The following IL22RA2 variants were observed in gnomAD, a reference collection of about 807,000 sequenced individuals.
IL22RA2 encodes the protein interleukin-22 receptor subunit alpha-2.
Under a neutral mutation model 30.7 loss-of-function variants are expected in IL22RA2, and 39 were observed. The observed-to-expected ratio is 1.27, with a 90% CI of 0.98 to 1.66. The LOEUF (loss-of-function observed/expected upper bound fraction) is 1.66, where lower values mean the gene tolerates loss of function less well. Ranked by LOEUF, IL22RA2 falls within the 40% of genes most tolerant of loss-of-function variation. The probability of loss-of-function intolerance (pLI) is 0.00; values close to 1 mark genes in which losing one functional copy is unlikely to be tolerated. For synonymous variants in IL22RA2, 103 were observed against 105.0 expected (o/e 0.98, Z 0.11); for missense variants, 315 against 312.7 (o/e 1.01, Z -0.05).
At position 137,155,010 on chromosome 6, in the gene IL22RA2, C is replaced by T; in HGVS notation, c.403G>A (p.Val135Met). ...TAGCTCCCAGCCGAGGCCGCCCTCA[C>T]CCTCCCGTAATAAGGTTCCTGTATG... Reference protein sequence around the residue: ...SDIQEPYYGRVRAASAGSYSE... With the variant: ...SDIQEPYYGRMRAASAGSYSE... Residue 135 changes from valine to methionine, a missense_variant, in exon 5 of 7, where the codon GTG becomes ATG. Physicochemically the swap from Val to Met is conservative, Grantham distance 21. Coordinates refer to ENST00000296980, the MANE Select transcript of IL22RA2 (RefSeq NM_052962.3). 1 of 1,614,086 alleles carries T rather than the reference C, an allele frequency of 6.2e-7. No individual in the cohort carries two copies. Among genetic ancestry groups the T allele is most frequent in the Non-Finnish European group, 8.5e-7 (1 of 1,179,942 alleles).
In IL22RA2 at chr6:137,147,857, T is replaced by C. The variant is rs751025000; in HGVS notation, c.507A>G (p.Gln169=). The part of the protein sequence containing the change: ...KIDPPVMNIT[Q]VNGSLLVILH... ...GAATTACCAACAAAGAGCCATTGAC[T>C]TGGGTTATATTCATGACTGGAGGAT... The change falls in exon 6 of 7, where the codon CAA becomes CAG. Residue 169 remains glutamine (Q), a synonymous_variant. Coordinates refer to ENST00000296980, the MANE Select transcript of IL22RA2 (RefSeq NM_052962.3). The C allele has an allele frequency of 1.6e-5, 26 of 1,611,454 alleles. No individual in the cohort carries two copies. The highest frequency in any genetic ancestry group is 2.2e-5 in the Non-Finnish European group (26 of 1,179,258).
chr6:137,169,002 T>C (rs564108374), intron 1 of IL22RA2, among the ~76,000 whole-genome samples: 45 of 152,362 alleles, frequency 3.0e-4, no homozygotes, highest in African/African-American at 1.0e-3. Flanking sequence ...TACTTCCTGT[T>C]ATGTATGTGG....
chr6:137,150,852 T>C (rs942811614), intron 5 of IL22RA2, among the ~76,000 whole-genome samples: 2 of 152,232 alleles, frequency 1.3e-5, no homozygotes, highest in Admixed American at 1.3e-4. Flanking sequence ...ATGAATTAGT[T>C]TGCTCAACTC....
intron 5 of IL22RA2, among the ~76,000 whole-genome samples, chr6:137,148,182 C>T (rs895238257): frequency 1.3e-5 from 2 of 152,150 alleles, no homozygotes; most frequent in African/African-American, 4.8e-5. Context: ...ATACAAATTA[C>T]TTTCCTCTGT....
intron 5 of IL22RA2, among the ~76,000 whole-genome samples, chr6:137,148,625 A>T (rs934917613): frequency 2.0e-5 from 3 of 151,946 alleles, no homozygotes; most frequent in Non-Finnish European, 4.4e-5. Context: ...GATTCCCTTT[A>T]TTTTTATTTT....
At chr6:137,160,344 T>A (rs1318317080) in intron 2 of IL22RA2, among the ~76,000 whole-genome samples, 1 of 152,254 alleles carries the variant, frequency 6.6e-6, no homozygotes, top group African/African-American at 2.4e-5. Context: ...CCAGCTCTTC[T>A]GTGAGGAAGG....
At position 137,154,985 on chromosome 6, in the gene IL22RA2, T is replaced by C. The variant is rs1778370226; in HGVS notation, c.428A>G (p.Tyr143Cys). ...CCGCGGCGTCATGCTCCATTCTGAG[T>C]AGCTCCCAGCCGAGGCCGCCCTCAC... The part of the protein sequence containing the change: ...GRVRAASAGS[Y>C]SEWSMTPRFT... Residue 143 changes from tyrosine to cysteine, a missense_variant, in exon 5 of 7, where the codon TAC (tyrosine) becomes TGC (cysteine). By Grantham distance (194) the Tyr-to-Cys change is radical. Coordinates refer to ENST00000296980, the MANE Select transcript of IL22RA2 (RefSeq NM_052962.3). 1.2e-6 allele frequency: 2 copies of C among 1,613,928 alleles called. No homozygotes were observed. The highest frequency in any genetic ancestry group is 1.3e-5 in the African/African-American group (1 of 74,888).
chr6:137,168,224 C>T (rs1778659391), intron 1 of IL22RA2, among the ~76,000 whole-genome samples: 1 of 152,164 alleles, frequency 6.6e-6, no homozygotes. Context: ...GGGACTCATA[C>T]AGGAACTTGT....
At chr6:137,149,757 T>C (rs1304217401) in intron 5 of IL22RA2, among the ~76,000 whole-genome samples, 2 of 152,242 alleles carry the variant, frequency 1.3e-5, no homozygotes, top group Admixed American at 6.5e-5. Flanking sequence ...AAAAAATTCT[T>C]GTACCTGCCT....
At chr6:137,149,468 A>T (rs192351188) in intron 5 of IL22RA2, among the ~76,000 whole-genome samples, 1 of 152,346 alleles carries the variant, frequency 6.6e-6, no homozygotes, top group Non-Finnish European at 1.5e-5. Context: ...AGAAACTTAG[A>T]GGTCATCTTT....
At chr6:137,160,468 T>G (rs1466469500) in intron 2 of IL22RA2, among the ~76,000 whole-genome samples, 1 of 152,202 alleles carries the variant, frequency 6.6e-6, no homozygotes, top group Admixed American at 6.5e-5. Context: ...ACAGTCTGAG[T>G]GCAGAGCCTG....
chr6:137,169,009 G>A (rs1778680735), intron 1 of IL22RA2, among the ~76,000 whole-genome samples: 1 of 152,238 alleles, frequency 6.6e-6, no homozygotes, highest in Non-Finnish European at 1.5e-5. Context: ...TGTTATGTAT[G>A]TGGAGGTGCT....
At chr6:137,172,619 G>A (rs2114406196) in intron 1 of IL22RA2, among the ~76,000 whole-genome samples, 1 of 152,360 alleles carries the variant, frequency 6.6e-6, no homozygotes, top group South Asian at 2.1e-4. Context: ...GGCATGAAAT[G>A]CTGGCTTCAT....
Position 137,145,596 on chromosome 6 carries a change from C to A in IL22RA2, c.*28G>T, listed in dbSNP as rs1343400542. ...TGTTCTCAGGGAGCTTTAGAATTTC[C>A]ACATTGCTGAATGCCAAATTCCACA... is the stretch of plus-strand genomic sequence containing the variant. On this transcript the variant is annotated 3_prime_UTR_variant, in exon 7 of 7. Transcript: ENST00000296980. 3 of 1,584,294 alleles carry A rather than the reference C, an allele frequency of 1.9e-6. No individual in the cohort carries two copies. Among genetic ancestry groups the A allele is most frequent in the Middle Eastern group, 1.8e-4 (1 of 5,454 alleles).
intron 1 of IL22RA2, among the ~76,000 whole-genome samples, chr6:137,164,415 A>C (rs1286634801): frequency 6.6e-6 from 1 of 152,246 alleles, no homozygotes; most frequent in Non-Finnish European, 1.5e-5. Context: ...GATCTACTGT[A>C]AGACTCTAAC....
At chr6:137,169,197 G>A (rs889814205) in intron 1 of IL22RA2, among the ~76,000 whole-genome samples, 2 of 152,212 alleles carry the variant, frequency 1.3e-5, no homozygotes, top group African/African-American at 4.8e-5. Context: ...CCAGATAGGG[G>A]AAACAACTTG....
chr6:137,163,408 G>C (rs940072445), intron 1 of IL22RA2, among the ~76,000 whole-genome samples: 1 of 152,098 alleles, frequency 6.6e-6, no homozygotes, highest in African/African-American at 2.4e-5. Context: ...GCAGATTTTC[G>C]TCTCCTTTGC....
chr6:137,154,387 G>A (rs1299766545), intron 5 of IL22RA2, among the ~76,000 whole-genome samples: 1 of 152,136 alleles, frequency 6.6e-6, no homozygotes, highest in Non-Finnish European at 1.5e-5. Context: ...GGCCAAAGGG[G>A]GCAGATCACC....
Position 137,145,005 on chromosome 6 carries a change from A to AT in IL22RA2, c.*618dup, listed in dbSNP as rs199977922. On this transcript the variant is annotated 3_prime_UTR_variant, in exon 7 of 7. Transcript: ENST00000296980. Reference sequence around the variant, plus strand: ...CAGATATCAATCCAGAAATCATAAGATTTTTTTCCCCAAAACCTGTTCTTA... The same window carrying AT: ...CAGATATCAATCCAGAAATCATAAGATTTTTTTTCCCCAAAACCTGTTCTTA... The AT allele has an allele frequency of 2.0e-5, 3 of 151,902 alleles. No individual in the cohort carries two copies. The highest frequency in any genetic ancestry group is 4.2e-4 in the South Asian group (2 of 4,816). 9.4% of individuals were successfully genotyped at this position (151,902 alleles called of 1,614,324 possible). A position where few individuals can be genotyped will look rare whatever the true frequency, so the allele number is the denominator to read the frequency against.
Sources: gnomAD v4.1 joint callset for allele counts (sites outside exome capture counted in the v4.1 genomes callset) on GRCh38, gnomAD v4.1.1 for gene constraint, MANE v1.5 for transcripts, NCBI Gene and HGNC (gene_info 2026-07-23, HGNC 2026-07-21) for gene names.